The following GTF2IRD1 variants were observed in gnomAD, a reference collection of about 807,000 sequenced individuals.
The protein encoded by GTF2IRD1 is GTF2I repeat domain containing 1, also known as general transcription factor II-I repeat domain-containing protein 1.
GTF2IRD1 carries 26 observed loss-of-function variants against 113.2 expected under a neutral mutation model. That is an observed-to-expected ratio of 0.23 (90% CI 0.17 to 0.32). The LOEUF (loss-of-function observed/expected upper bound fraction) is 0.32, where lower values mean the gene tolerates loss of function less well. Among genes scored for constraint, GTF2IRD1 ranks in the 10% least tolerant of loss-of-function variants. The pLI is 1.00. For synonymous variants in GTF2IRD1, 484 were observed against 529.1 expected, an observed-to-expected ratio of 0.91 and a Z score of 1.17; for missense variants, 864 against 1,280.8, an observed-to-expected ratio of 0.67 and a Z score of 4.97.
At chr7:74,533,544 G>A (rs587718821) in intron 9 of GTF2IRD1, among the ~76,000 whole-genome samples, 1 of 152,240 alleles carries the variant, frequency 6.6e-6, no homozygotes, top group South Asian at 2.1e-4. Context: ...CATGACCATT[G>A]GGGCACCTGT....
chr7:74,469,235 A>G (rs186594808), intron 1 of GTF2IRD1, among the ~76,000 whole-genome samples: 2,442 of 152,082 alleles, frequency 0.016, 66 homozygotes, highest in African/African-American at 0.055. Context: ...ATGTCTCCAG[A>G]GACTTGATTC....
chr7:74,497,198 T>C (rs1374497835), intron 1 of GTF2IRD1, among the ~76,000 whole-genome samples: 7 of 152,134 alleles, frequency 4.6e-5, no homozygotes, highest in South Asian at 2.1e-4. Flanking sequence ...AGAACTACTA[T>C]ACAATTCAAC....
intron 1 of GTF2IRD1, among the ~76,000 whole-genome samples, chr7:74,465,656 C>A (rs1584454971): frequency 6.6e-6 from 1 of 152,172 alleles, no homozygotes; most frequent in Non-Finnish European, 1.5e-5. Context: ...AGCCCCACTC[C>A]CCCAGACAGT....
intron 20 of GTF2IRD1, among the ~76,000 whole-genome samples, chr7:74,558,360 T>C (rs1257325076): frequency 8.5e-6 from 1 of 118,334 alleles, no homozygotes. Context: ...TTTTTTTTTT[T>C]TTTTTTTTTT....
At chr7:74,569,345 A>G (rs1412075227) in intron 22 of GTF2IRD1, among the ~76,000 whole-genome samples, 2 of 152,024 alleles carry the variant, frequency 1.3e-5, no homozygotes, top group Admixed American at 1.3e-4. Flanking sequence ...CTTCCTTCCC[A>G]TTTTGTAACT....
At chr7:74,547,968 C>T (rs1210816050) in intron 17 of GTF2IRD1, among the ~76,000 whole-genome samples, 6 of 152,008 alleles carry the variant, frequency 3.9e-5, no homozygotes, top group African/African-American at 1.4e-4. Context: ...GTGTCCTGGG[C>T]CGGGGGCTGG....
chr7:74,560,482 AT>A lies in GTF2IRD1; in HGVS notation c.2320+828del, dbSNP rs1446787690. ...TAATAAAATATATACATAATAAAAA[AT>A]ATATATAATAAAAATATTATATATA... On this transcript the variant is annotated intron_variant, in intron 22 of 26. Transcript: ENST00000424337. Among the ~76,000 whole-genome samples the A allele has an allele frequency of 9.5e-5, 14 of 146,940 alleles. No homozygotes were observed. In the East Asian group the frequency reaches 1.2e-3, roughly 12 times the overall value.
rs1554356293 is a variant in GTF2IRD1 at position 74,555,159 on chromosome 7, G to A, written c.1917-15G>A. The A allele has an allele frequency of 6.8e-6, 11 of 1,613,060 alleles. No individual in the cohort carries two copies. The African/African-American group carries it at 8.0e-5, about 12-fold the overall frequency. Reference sequence around the variant, plus strand: ...TTGGAGGGACCTCTGTGATAGCCTCGCTTGTGTTTTCCAGGCCCGAGCTGC... The same window carrying A: ...TTGGAGGGACCTCTGTGATAGCCTCACTTGTGTTTTCCAGGCCCGAGCTGC... On this transcript the variant is annotated splice_polypyrimidine_tract_variant and intron_variant, in intron 17 of 26. Transcript: ENST00000424337. The surrounding 1 kb of genome is among the most constrained non-coding windows in gnomAD (Gnocchi z 5.3).
chr7:74,547,334 A>T, intron 17 of GTF2IRD1, 48 bp downstream of exon 17: 2 of 1,443,672 alleles, frequency 1.4e-6, no homozygotes, highest in Non-Finnish European at 1.9e-6. Context: ...CCTGCTCAGC[A>T]CCAAGGGGCA....
intron 1 of GTF2IRD1, among the ~76,000 whole-genome samples, chr7:74,476,340 GC>G (rs1794403190): frequency 6.8e-6 from 1 of 147,704 alleles, no homozygotes; most frequent in East Asian, 2.0e-4. Flanking sequence ...CCTCTTCCAC[GC>G]CCGCTTGGAA....
At chr7:74,526,861 A>G (rs1469864282) in intron 8 of GTF2IRD1, among the ~76,000 whole-genome samples, 1 of 152,158 alleles carries the variant, frequency 6.6e-6, no homozygotes, top group East Asian at 1.9e-4. Context: ...TCATTTGACA[A>G]CGAGCTAAGT....
At chr7:74,460,350 A>G (rs1554328799) in intron 1 of GTF2IRD1, among the ~76,000 whole-genome samples, 1 of 151,242 alleles carries the variant, frequency 6.6e-6, no homozygotes, top group African/African-American at 2.4e-5. Flanking sequence ...CCTCACTGCA[A>G]CCTCCAACTC....
At chr7:74,544,699 T>C (rs1798823853) in intron 14 of GTF2IRD1, 56 bp from the exon 15 acceptor site, 1 of 1,570,980 alleles carries the variant, frequency 6.4e-7, no homozygotes, top group Non-Finnish European at 8.7e-7. Flanking sequence ...ACGTCGGCAG[T>C]GCATGGCTTA....
chr7:74,592,829 G>A (rs782220183), intron 24 of GTF2IRD1, among the ~76,000 whole-genome samples: 10 of 151,872 alleles, frequency 6.6e-5, no homozygotes, highest in African/African-American at 1.5e-4. Flanking sequence ...CACCGTACCC[G>A]GCCCGCCTTC....
chr7:74,580,092 G>A (rs1801322265), intron 22 of GTF2IRD1, among the ~76,000 whole-genome samples: 1 of 152,154 alleles, frequency 6.6e-6, no homozygotes, highest in South Asian at 2.1e-4. Context: ...GGAGCTGATG[G>A]AATTCCTGCT....
At chr7:74,536,377 A>G in intron 11 of GTF2IRD1, 102 bp downstream of exon 11, 1 of 662,120 alleles carries the variant, frequency 1.5e-6, no homozygotes. Flanking sequence ...CCACCACACC[A>G]CCACCCCTCG....
rs111621951 is a variant in GTF2IRD1 at position 74,547,435 on chromosome 7, C to A, written c.1916+149C>A. The A allele has an allele frequency of 1.1e-4, 61 of 569,304 alleles. 1 individual carries two copies. The highest frequency in any genetic ancestry group is 9.2e-4 in the African/African-American group (45 of 49,126). The allele number at this position is 569,304 out of a possible 1,614,324, so 35.3% of individuals were successfully genotyped here. ...GGTGTGAGGTGTGTGCCACCATGCC[C>A]AGCCTTTTTTTTTTTTTTTTTTTTT... is the stretch of plus-strand genomic sequence containing the variant. On this transcript the variant is annotated intron_variant, in intron 17 of 26. Coordinates refer to ENST00000424337, the MANE Select transcript of GTF2IRD1 (RefSeq NM_005685.4).
chr7:74,601,590 CGGG>C (rs1208221538), intron 26 of GTF2IRD1: 1 of 734,386 alleles, frequency 1.4e-6, no homozygotes, highest in East Asian at 3.4e-5. Flanking sequence ...CTGACCAACA[CGGG>C]GAAACCCCAT....
At chr7:74,458,435 G>A (rs1241252032) in intron 1 of GTF2IRD1, among the ~76,000 whole-genome samples, 12 of 151,902 alleles carry the variant, frequency 7.9e-5, no homozygotes, top group African/African-American at 2.7e-4. Flanking sequence ...CTGGCCTCTC[G>A]GAATCCCCTC....
Sources: gnomAD v4.1 joint callset for allele counts (sites outside exome capture counted in the v4.1 genomes callset) on GRCh38, gnomAD v4.1.1 for gene constraint, Gnocchi (gnomAD v3.1) non-coding constraint, MANE v1.5 for transcripts, NCBI Gene and HGNC (gene_info 2026-07-23, HGNC 2026-07-21) for gene names.